APOL3: variants seen among roughly 807,000 people sequenced by gnomAD.
The protein encoded by APOL3 is TNF-inducible protein CG12-1.
Under a neutral mutation model 11.6 loss-of-function variants are expected in APOL3, and 14 were observed. The observed-to-expected ratio is 1.21, with a 90% confidence interval of 0.80 to 1.89. APOL3 has a LOEUF of 1.89. Among genes scored for constraint, APOL3 ranks in the 40% most tolerant of loss-of-function variants. APOL3 has a pLI of 0.00. For synonymous variants in APOL3, 192 were observed against 190.6 expected (o/e 1.01, Z -0.06); for missense variants, 483 against 492.1 (o/e 0.98, Z 0.17).
intron 2 of APOL3, among the ~76,000 whole-genome samples, chr22:36,144,780 C>A (rs763549330): frequency 6.6e-6 from 1 of 151,966 alleles, no homozygotes; most frequent in East Asian, 1.9e-4. Context: ...GAGGCCGAGG[C>A]GGGAGGATCA....
chr22:36,158,660 A>G (rs2013296258), intron 1 of APOL3, among the ~76,000 whole-genome samples: 1 of 152,162 alleles, frequency 6.6e-6, no homozygotes, highest in Non-Finnish European at 1.5e-5. Flanking sequence ...TCTACTAAAA[A>G]TACTAAAAAT....
At chr22:36,142,917 A>G (rs1338920370) in intron 2 of APOL3, among the ~76,000 whole-genome samples, 1 of 152,112 alleles carries the variant, frequency 6.6e-6, no homozygotes, top group Non-Finnish European at 1.5e-5. Flanking sequence ...GGTCCTCCCC[A>G]CTTGCTGTCT....
At chr22:36,158,345 C>T (rs747057020) in intron 1 of APOL3, among the ~76,000 whole-genome samples, 19 of 152,136 alleles carry the variant, frequency 1.2e-4, no homozygotes, top group Non-Finnish European at 2.8e-4. Context: ...TTACAAAGTG[C>T]CCCCACGTCA....
chr22:36,140,671 G>A (rs2059953900), exon 3 of APOL3: 1 of 155,512 alleles, frequency 6.4e-6, no homozygotes, highest in South Asian at 2.0e-4. Context: ...GCCACTGGCT[G>A]ACTGAGATAC....
intron 1 of APOL3, among the ~76,000 whole-genome samples, chr22:36,145,905 ATCTC>A (rs144364228): frequency 6.7e-6 from 1 of 149,962 alleles, no homozygotes; most frequent in African/African-American, 2.5e-5. Context: ...GAGGCAGAAG[ATCTC>A]TCTCTCTCTC....
chr22:36,142,103 T>A, intron 2 of APOL3, 45 bp from the exon 4 acceptor site: 1 of 1,538,390 alleles, frequency 6.5e-7, no homozygotes, highest in Non-Finnish European at 8.7e-7. Flanking sequence ...AGCTTACTTA[T>A]CTGTAAAATC....
At chr22:36,149,217 T>A in intron 1 of APOL3, 75 bp from the exon 2 acceptor site, 1 of 1,311,518 alleles carries the variant, frequency 7.6e-7, no homozygotes, top group Admixed American at 2.3e-5. Context: ...AGGGGCTGGA[T>A]CTCTGCAATC....
chr22:36,143,371 C>T (rs73883825), intron 2 of APOL3, among the ~76,000 whole-genome samples: 2 of 152,184 alleles, frequency 1.3e-5, no homozygotes, highest in African/African-American at 4.8e-5. Context: ...AAACCACAAT[C>T]GTGCAATAAC....
At chr22:36,149,046 C>G (rs867927500) in intron 1 of APOL3, 1 of 1,368,524 alleles carries the variant, frequency 7.3e-7, no homozygotes, top group Non-Finnish European at 9.8e-7. Flanking sequence ...GCAAGCCTAC[C>G]TGAGTCCATG....
chr22:36,141,574 A>G (rs777010450), exon 3 of APOL3: 11 of 1,614,108 alleles, frequency 6.8e-6, no homozygotes, highest in Non-Finnish European at 9.3e-6. Context: ...TTAAGAAGGG[A>G]AAGTAAGTTG....
intron 1 of APOL3, chr22:36,149,712 T>A (rs1772688694): frequency 2.6e-6 from 1 of 381,628 alleles, no homozygotes. Flanking sequence ...TCAAATCCCA[T>A]GTCTTCCATG....
chr22:36,140,528 G>C (rs965215221), exon 3 of APOL3: 1 of 152,258 alleles, frequency 6.6e-6, no homozygotes, highest in Non-Finnish European at 1.5e-5. Context: ...AGAGACACCT[G>C]GTCCTCAGCT....
upstream of APOL3, among the ~76,000 whole-genome samples, chr22:36,163,418 C>T (rs1341670482): frequency 2.0e-5 from 3 of 152,342 alleles, no homozygotes; most frequent in African/African-American, 4.8e-5. Context: ...TCACCCCACC[C>T]GAGGCCCCCT....
intron 1 of APOL3, among the ~76,000 whole-genome samples, chr22:36,158,676 G>C (rs1030540389): frequency 6.6e-6 from 1 of 152,028 alleles, no homozygotes; most frequent in Non-Finnish European, 1.5e-5. Flanking sequence ...AAAATTAGCC[G>C]GGCGTGGTGG....
At chr22:36,155,888 G>T in intron 1 of APOL3, 1 of 164,816 alleles carries the variant, frequency 6.1e-6, no homozygotes. Context: ...CCTGCAGTTT[G>T]GTCAATTCCC....
At chr22:36,142,938 G>A (rs1336469386) in intron 2 of APOL3, among the ~76,000 whole-genome samples, 1 of 152,196 alleles carries the variant, frequency 6.6e-6, no homozygotes, top group Non-Finnish European at 1.5e-5. Context: ...GAGCATTCTT[G>A]CTGTCTGATC....
intron 1 of APOL3, among the ~76,000 whole-genome samples, chr22:36,159,881 T>TC (rs1471107090): frequency 2.8e-4 from 38 of 136,098 alleles, no homozygotes; most frequent in African/African-American, 1.2e-3. Context: ...TCTCTCTCTC[T>TC]TTTTTTTTTT....
exon 1 of APOL3, chr22:36,160,803 G>A: frequency 6.2e-7 from 1 of 1,613,878 alleles, no homozygotes; most frequent in Non-Finnish European, 8.5e-7. Context: ...GAACCCAAAA[G>A]GGAAAGTGAA....
At chr22:36,144,398 TC>T (rs2079585977) in intron 2 of APOL3, among the ~76,000 whole-genome samples, 1 of 152,152 alleles carries the variant, frequency 6.6e-6, no homozygotes, top group Non-Finnish European at 1.5e-5. Flanking sequence ...GACCTGCTGT[TC>T]ATTCTCAGGC....
Sources: allele counts gnomAD v4.1 joint callset (sites outside exome capture counted in the v4.1 genomes callset), GRCh38; gene constraint gnomAD v4.1.1; transcripts MANE v1.5; gene names NCBI Gene and HGNC (gene_info 2026-07-23, HGNC 2026-07-21).